Variants in IL12A observed in about 807,000 individuals in gnomAD.
IL12A encodes interleukin 12A.
Under a neutral mutation model 23.5 loss-of-function variants are expected in IL12A, and 16 were observed. That is an observed-to-expected ratio of 0.68 (90% CI 0.46 to 1.03). The LOEUF (loss-of-function observed/expected upper bound fraction) is 1.03. IL12A is among the 50% of genes least tolerant of loss of function. IL12A has a pLI of 0.00. For missense variants in IL12A, 275 were observed against 307.0 expected, an observed-to-expected ratio of 0.90 and a Z score of 0.78; for synonymous variants, 106 against 111.5, an observed-to-expected ratio of 0.95 and a Z score of 0.31.
chr3:159,992,488 C>T (rs1385420938), intron 2 of IL12A, among the ~76,000 whole-genome samples: 3 of 152,134 alleles, frequency 2.0e-5, no homozygotes, highest in Admixed American at 2.0e-4. Flanking sequence ...ATAATTTTAC[C>T]CAACGGTGCT....
intron 6 of IL12A, among the ~76,000 whole-genome samples, chr3:159,994,834 A>T (rs1181862065): frequency 6.6e-6 from 1 of 152,130 alleles, no homozygotes; most frequent in Non-Finnish European, 1.5e-5. Flanking sequence ...GGGTGACTTT[A>T]TTCTAGCTTT....
rs903858723 is a variant in IL12A, at chr3:159,995,588, T to C, written c.*29T>C. On this transcript the variant is annotated 3_prime_UTR_variant, in exon 7 of 7. Coordinates refer to ENST00000305579, the MANE Select transcript of IL12A (RefSeq NM_000882.4). ...GCGAGGTCCCTCCAAACCGTTGTCA[T>C]TTTTATAAAACTTTGAAATGAGGAA... is the stretch of plus-strand genomic sequence containing the variant. 6.5e-7 allele frequency: 1 copy of C among 1,527,328 alleles called. No individual in the cohort carries two copies. The highest frequency in any genetic ancestry group is 1.4e-5 in the African/African-American group (1 of 71,058). The allele number at this position is 1,527,328 out of a possible 1,614,324, so 94.6% of individuals were successfully genotyped here.
intron 2 of IL12A, among the ~76,000 whole-genome samples, chr3:159,990,826 C>T (rs1720281326): frequency 1.3e-5 from 2 of 152,176 alleles, no homozygotes; most frequent in South Asian, 4.1e-4. Context: ...CCTTCATTTT[C>T]TAGGGAAGAG....
rs200276578 is a variant in IL12A at position 159,994,584 on chromosome 3, G to GTT, written c.606+741_606+742insTT. Among the ~76,000 whole-genome samples, 388 of 123,680 alleles carry GTT rather than the reference G, an allele frequency of 3.1e-3. 1 individual carries two copies. Among genetic ancestry groups the GTT allele is most frequent in the Non-Finnish European group, 4.2e-3 (264 of 62,570 alleles). 81.1% of individuals were successfully genotyped at this position (123,680 alleles called of 152,430 possible). A position where few individuals can be genotyped will look rare whatever the true frequency, so the allele number is the denominator to read the frequency against. On this transcript the variant is annotated intron_variant, in intron 6 of 6. Transcript: ENST00000305579. ...TGTTTTACTTTTATTCTTTTCGTGT[G>GTT]TGTGTGTGTGTGTGTGTGTGTGTGT...
chr3:159,988,936 C>T lies in IL12A; in HGVS notation c.-121C>T, dbSNP rs563883311. ...TAATCCGAAAGCGCCGCAAGCCCCG[C>T]GGGCCGGCCGCACCGCACGTGTCAC... On this transcript the variant is annotated 5_prime_UTR_variant, in exon 1 of 7. Transcript: ENST00000305579. 4.7e-5 allele frequency: 40 copies of T among 852,014 alleles called. 1 individual carries two copies. The Admixed American group carries it at 8.8e-4, about 19-fold the overall frequency. The allele number at this position is 852,014 out of a possible 1,614,324, so 52.8% of individuals were successfully genotyped here.
In IL12A at chr3:159,989,065, C is replaced by G. The variant is rs538098159; in HGVS notation, c.9C>G (p.Pro3=). Residue 3 remains proline, a synonymous_variant, in exon 1 of 7, where the codon CCC becomes CCG. Transcript: ENST00000305579. ...TCGGGACAATTATAAAAATGTGGCCCCCTGGGTCAGCCTCCCAGCCACCGC... is the reference window on the plus strand; with the variant it reads ...TCGGGACAATTATAAAAATGTGGCCGCCTGGGTCAGCCTCCCAGCCACCGC... 2 of 1,613,366 alleles carry G rather than the reference C, an allele frequency of 1.2e-6. No homozygotes were observed. The highest frequency in any genetic ancestry group is 1.7e-6 in the Non-Finnish European group (2 of 1,179,736).
intron 1 of IL12A, among the ~76,000 whole-genome samples, chr3:159,989,464 A>G (rs1720224579): frequency 6.6e-6 from 1 of 152,200 alleles, no homozygotes; most frequent in African/African-American, 2.4e-5. Flanking sequence ...AGCTACAAAC[A>G]GAAGGCAGAT....
At chr3:159,993,537 A>G in intron 4 of IL12A, 31 bp from the exon 5 acceptor site, 1 of 1,614,072 alleles carries the variant, frequency 6.2e-7, no homozygotes, top group South Asian at 1.1e-5. Flanking sequence ...ATGAATTCAT[A>G]TCACTGATGT....
At position 159,995,672 on chromosome 3, in the gene IL12A, A is replaced by C; in HGVS notation, c.*113A>C. The C allele has an allele frequency of 1.5e-6, 1 of 670,124 alleles. No individual in the cohort carries two copies. The highest frequency in any genetic ancestry group is 2.4e-6 in the Non-Finnish European group (1 of 410,232). 41.5% of individuals were successfully genotyped at this position (670,124 alleles called of 1,614,324 possible). A position where few individuals can be genotyped will look rare whatever the true frequency, so the allele number is the denominator to read the frequency against. ...GGGGAAAGAAGGATGGGACTATTAC[A>C]TCCACATGATACCTCTGATCAAGTA... On this transcript the variant is annotated 3_prime_UTR_variant, in exon 7 of 7. Coordinates refer to ENST00000305579, the MANE Select transcript of IL12A (RefSeq NM_000882.4).
In IL12A at chr3:159,995,440, T is replaced by A. The variant is rs1240462817; in HGVS notation, c.643T>A (p.Ser215Thr). 1 of 1,607,842 alleles carries A rather than the reference T, an allele frequency of 6.2e-7. No individual in the cohort carries two copies. The highest frequency in any genetic ancestry group is 1.7e-5 in the Admixed American group (1 of 58,780). The stretch of plus-strand genomic sequence containing the variant: ...CAACAGTGAGACTGTGCCACAAAAA[T>A]CCTCCCTTGAAGAACCGGATTTTTA... The change falls in exon 7 of 7, where the codon TCC becomes ACC. Residue 215 changes from serine (S) to threonine (T), a missense_variant. Physicochemically the swap from Ser to Thr is moderately conservative, Grantham distance 58. Transcript: ENST00000305579.
chr3:159,995,457 G>A lies in IL12A; in HGVS notation c.660G>A (p.Pro220=), dbSNP rs56043315. ...CACAAAAATCCTCCCTTGAAGAACC[G>A]GATTTTTATAAAACTAAAATCAAGC... is the stretch of plus-strand genomic sequence containing the variant. The change falls in exon 7 of 7, where the codon CCG becomes CCA. Residue 220 remains proline (P), a synonymous_variant. Coordinates refer to ENST00000305579, the MANE Select transcript of IL12A (RefSeq NM_000882.4). The A allele has an allele frequency of 1.4e-3, 2,262 of 1,607,390 alleles. 1 individual carries two copies. Among genetic ancestry groups the A allele is most frequent in the Middle Eastern group, 3.0e-3 (18 of 6,052 alleles).
intron 6 of IL12A, chr3:159,994,168 C>T (rs1720415233): frequency 4.5e-6 from 1 of 221,012 alleles, no homozygotes. Flanking sequence ...GAGAGTTAAA[C>T]CACTTGTCTG....
chr3:159,993,507 G>A lies in IL12A; in HGVS notation c.420+15G>A, dbSNP rs748044888. 5 of 1,613,886 alleles carry A rather than the reference G, an allele frequency of 3.1e-6. No homozygotes were observed. In the East Asian group the frequency reaches 1.1e-4, roughly 36 times the overall value. On this transcript the variant is annotated intron_variant, in intron 4 of 6. Transcript: ENST00000305579. ...CTTTCATAACTGTAAGTCAAAAAAT[G>A]AAAAGTTTCAGCCTGTATGATGAAT...
At position 159,989,147 on chromosome 3, in the gene IL12A, T is replaced by C. The variant is rs1463079246; in HGVS notation, c.91T>C (p.Cys31Arg). Residue 31 changes from cysteine (C) to arginine (R), a missense_variant, in exon 1 of 7, where the codon TGC becomes CGC. Coordinates refer to ENST00000305579, the MANE Select transcript of IL12A (RefSeq NM_000882.4). ...AGCGGCTCGCCCTGTGTCCCTGCAG[T>C]GCCGGCTCAGCATGTGTCCAGCGCG... 1 of 1,611,974 alleles carries C rather than the reference T, an allele frequency of 6.2e-7. No individual in the cohort carries two copies. Among genetic ancestry groups the C allele is most frequent in the Non-Finnish European group, 8.5e-7 (1 of 1,179,546 alleles).
At position 159,993,438 on chromosome 3, in the gene IL12A, T is replaced by A; in HGVS notation, c.379-13T>A. 1 of 1,599,538 alleles carries A rather than the reference T, an allele frequency of 6.3e-7. No individual in the cohort carries two copies. Among genetic ancestry groups the A allele is most frequent in the Non-Finnish European group, 8.6e-7 (1 of 1,167,818 alleles). ...AAGAATTAATACTTTGATATATGAT[T>A]TTTTCCCTCTAGAATGAGAGTTGCC... On this transcript the variant is annotated splice_polypyrimidine_tract_variant and intron_variant, in intron 3 of 6. Coordinates refer to ENST00000305579, the MANE Select transcript of IL12A (RefSeq NM_000882.4).
intron 2 of IL12A, among the ~76,000 whole-genome samples, chr3:159,992,311 A>C (rs582537): frequency 0.59 from 89,154 of 151,938 alleles, 26,699 homozygotes; most frequent in African/African-American, 0.7. Flanking sequence ...CATTTGGGCA[A>C]TTGTCTGTCT....
In IL12A at chr3:159,993,840, T is replaced by C; in HGVS notation, c.602T>C (p.Met201Thr). 1 of 1,614,148 alleles carries C rather than the reference T, an allele frequency of 6.2e-7. No individual in the cohort carries two copies. Among genetic ancestry groups the C allele is most frequent in the Non-Finnish European group, 8.5e-7 (1 of 1,179,996 alleles). Reference sequence around the variant, plus strand: ...ATGCTGGCAGTTATTGATGAGCTGATGCAGGTAAGACTTCATTCTATCAGT... The same window carrying C: ...ATGCTGGCAGTTATTGATGAGCTGACGCAGGTAAGACTTCATTCTATCAGT... Residue 201 changes from methionine (M) to threonine (T), a missense_variant, in exon 6 of 7, where the codon ATG (methionine) becomes ACG (threonine). Transcript: ENST00000305579.
In IL12A at chr3:159,988,962, C is replaced by T. The variant is rs375410584; in HGVS notation, c.-95C>T. On this transcript the variant is annotated 5_prime_UTR_variant, in exon 1 of 7. Coordinates refer to ENST00000305579, the MANE Select transcript of IL12A (RefSeq NM_000882.4). The stretch of plus-strand genomic sequence containing the variant: ...GGGCCGGCCGCACCGCACGTGTCAC[C>T]GAGAAGCTGATGTAGAGAGAGACAC... 1.7e-4 allele frequency: 183 copies of T among 1,068,574 alleles called. 1 individual carries two copies. In the East Asian group the frequency reaches 3.8e-3, roughly 22 times the overall value. The allele number at this position is 1,068,574 out of a possible 1,614,324, so 66.2% of individuals were successfully genotyped here.
At chr3:159,991,410 T>C (rs1198133833) in intron 2 of IL12A, among the ~76,000 whole-genome samples, 3 of 152,210 alleles carry the variant, frequency 2.0e-5, no homozygotes, top group African/African-American at 7.2e-5. Context: ...TATATGTTTA[T>C]TTTTTAGTTT....
Sources: gnomAD v4.1 joint callset for allele counts (sites outside exome capture counted in the v4.1 genomes callset) on GRCh38, gnomAD v4.1.1 for gene constraint, MANE v1.5 for transcripts, NCBI Gene and HGNC (gene_info 2026-07-23, HGNC 2026-07-21) for gene names.